Variants in FRMD6 observed in about 807,000 individuals in gnomAD.
FRMD6 encodes FERM domain-containing protein 6.
Under a neutral mutation model 73.2 loss-of-function variants are expected in FRMD6, and 37 were observed. The observed-to-expected ratio is 0.51, with a 90% CI of 0.39 to 0.66. FRMD6 has a LOEUF of 0.66. Among genes scored for constraint, FRMD6 ranks in the 30% least tolerant of loss-of-function variants. FRMD6 has a pLI of 0.00. For synonymous variants in FRMD6, 273 were observed against 282.2 expected, an observed-to-expected ratio of 0.97 and a Z score of 0.33; for missense variants, 714 against 780.5, an observed-to-expected ratio of 0.91 and a Z score of 1.02.
chr14:51,699,990 A>G (rs748718083), intron 3 of FRMD6, among the ~76,000 whole-genome samples: 17 of 151,860 alleles, frequency 1.1e-4, no homozygotes, highest in Non-Finnish European at 2.4e-4. Context: ...AAATTGGTTA[A>G]CTTAATGTCG....
chr14:51,701,258 GTACTA>G, intron 4 of FRMD6, 99 bp downstream of exon 4: 1 of 543,156 alleles, frequency 1.8e-6, no homozygotes, highest in Non-Finnish European at 3.2e-6. Flanking sequence ...AATACTTTAT[GTACTA>G]TACTATATTT....
chr14:51,664,934 T>G (rs920860826), intron 1 of FRMD6, among the ~76,000 whole-genome samples: 1 of 152,170 alleles, frequency 6.6e-6, no homozygotes, highest in African/African-American at 2.4e-5. Context: ...GGATTTTACA[T>G]TGTAGATACT....
chr14:51,575,586 T>C (rs1476033065), intron 2 of FRMD6: 1 of 152,260 alleles, frequency 6.6e-6, no homozygotes, highest in Non-Finnish European at 1.5e-5. Context: ...AGTCTGCTGG[T>C]CATAAATGTT....
chr14:51,578,302 A>C (rs1888516537), intron 2 of FRMD6, among the ~76,000 whole-genome samples: 1 of 152,230 alleles, frequency 6.6e-6, no homozygotes, highest in South Asian at 2.1e-4. Context: ...GCCACAAAGA[A>C]TATAAAGTAA....
chr14:51,478,387 G>A, the FRMD6 span, among the ~76,000 whole-genome samples: 2 of 152,196 alleles, frequency 1.3e-5, no homozygotes, highest in African/African-American at 2.4e-5. Context: ...CAGTGGAAAC[G>A]TAAAGTAGAA....
chr14:51,681,547 G>T (rs1201486801), intron 1 of FRMD6, among the ~76,000 whole-genome samples: 1 of 152,168 alleles, frequency 6.6e-6, no homozygotes, highest in East Asian at 1.9e-4. Context: ...GGAAGTGTCT[G>T]AGCTTGGGTT....
At chr14:51,668,581 C>T (rs1893772066) in intron 1 of FRMD6, among the ~76,000 whole-genome samples, 1 of 152,148 alleles carries the variant, frequency 6.6e-6, no homozygotes, top group Non-Finnish European at 1.5e-5. Context: ...GCTGGGATTA[C>T]AGGCATGAGC....
intron 10 of FRMD6, chr14:51,717,242 TC>T (rs1897288507): frequency 6.6e-6 from 1 of 152,212 alleles, no homozygotes; most frequent in Non-Finnish European, 1.5e-5. Context: ...GAACTTTATT[TC>T]CTCACAGTTC....
At chr14:51,436,359 C>T in the FRMD6 span, 1 of 419,064 alleles carries the variant, frequency 2.4e-6, no homozygotes, top group Non-Finnish European at 4.6e-6. Context: ...GTCTGCACTG[C>T]TTGGGGAGGA....
intron 1 of FRMD6, among the ~76,000 whole-genome samples, chr14:51,536,097 T>G (rs60062995): frequency 0.94 from 127,462 of 136,160 alleles, 59,746 homozygotes; most frequent in African/African-American, 0.97. Flanking sequence ...TATATATATA[T>G]AGAGAGAGAG....
chr14:51,486,918 T>C (rs752465549), upstream of FRMD6, among the ~76,000 whole-genome samples: 1 of 147,268 alleles, frequency 6.8e-6, no homozygotes. Context: ...TTCAGGATAG[T>C]ATATAGGGTA....
chr14:51,519,349 C>T (rs541191277), intron 1 of FRMD6, among the ~76,000 whole-genome samples: 5 of 151,938 alleles, frequency 3.3e-5, no homozygotes, highest in African/African-American at 7.2e-5. Context: ...GGGGTTTCAC[C>T]GTGTTAGCTA....
At chr14:51,629,528 A>G (rs182211186) in intron 2 of FRMD6, among the ~76,000 whole-genome samples, 46 of 152,280 alleles carry the variant, frequency 3.0e-4, no homozygotes, top group Non-Finnish European at 4.7e-4. Flanking sequence ...AACACTTCTT[A>G]TTGTCTGTCT....
chr14:51,503,735 A>G (rs1311459150), intron 1 of FRMD6, among the ~76,000 whole-genome samples: 2 of 150,580 alleles, frequency 1.3e-5, no homozygotes, highest in Non-Finnish European at 2.9e-5. Flanking sequence ...TGCTGGCTTC[A>G]TAGAATGAAT....
chr14:51,566,558 G>T (rs1887785520), intron 1 of FRMD6, among the ~76,000 whole-genome samples: 1 of 152,024 alleles, frequency 6.6e-6, no homozygotes, highest in Non-Finnish European at 1.5e-5. Flanking sequence ...GTTTCACCTG[G>T]GTCTTTTTAA....
intron 2 of FRMD6, among the ~76,000 whole-genome samples, chr14:51,619,281 T>C (rs1291069239): frequency 6.6e-6 from 1 of 151,888 alleles, no homozygotes. Context: ...AATTGCCCAA[T>C]GGATACAGTA....
At chr14:51,512,348 A>G (rs1159439626) in intron 1 of FRMD6, among the ~76,000 whole-genome samples, 1 of 152,232 alleles carries the variant, frequency 6.6e-6, no homozygotes, top group East Asian at 1.9e-4. Context: ...GGCCAAAGTA[A>G]AAGGAGTTAA....
intron 12 of FRMD6, 94 bp from the exon 13 acceptor site, chr14:51,725,685 T>C: frequency 1.0e-6 from 1 of 980,872 alleles, no homozygotes; most frequent in Non-Finnish European, 1.6e-6. Flanking sequence ...TAATATTTGA[T>C]TTTTCATTCC....
At chr14:51,654,411 T>C (rs147867596) in intron 1 of FRMD6, among the ~76,000 whole-genome samples, 2 of 152,284 alleles carry the variant, frequency 1.3e-5, no homozygotes, top group Admixed American at 6.5e-5. Context: ...GCGTAGCCTT[T>C]TGTGGCAGAT....
Sources: gnomAD v4.1 joint callset for allele counts (sites outside exome capture counted in the v4.1 genomes callset) on GRCh38, gnomAD v4.1.1 for gene constraint, MANE v1.5 for transcripts, NCBI Gene and HGNC (gene_info 2026-07-23, HGNC 2026-07-21) for gene names.